The following ATXN2 variants were observed in gnomAD, a reference collection of about 807,000 sequenced individuals.
The protein encoded by ATXN2 is ataxin-2.
In ATXN2, 37 loss-of-function variants were observed where a neutral mutation model predicts 138.6. That is an observed-to-expected ratio of 0.27 (90% CI 0.21 to 0.35). The LOEUF (loss-of-function observed/expected upper bound fraction) is 0.35. Among genes scored for constraint, ATXN2 ranks in the 10% least tolerant of loss-of-function variants. The pLI is 1.00. For synonymous variants in ATXN2, 549 were observed against 543.7 expected, an observed-to-expected ratio of 1.01 and a Z score of -0.13; for missense variants, 1,216 against 1,480.3, an observed-to-expected ratio of 0.82 and a Z score of 2.93.
chr12:111,498,516 T>C (rs1366299556), intron 14 of ATXN2, among the ~76,000 whole-genome samples: 1 of 152,064 alleles, frequency 6.6e-6, no homozygotes, highest in African/African-American at 2.4e-5. Flanking sequence ...CTTAACCAAA[T>C]GAGTAAAAGA....
At position 111,509,181 on chromosome 12, in the gene ATXN2, T is replaced by G. The variant is rs565788008; in HGVS notation, c.1935+368A>C. On this transcript the variant is annotated intron_variant, in intron 14 of 24. Transcript: ENST00000673436. ...TACAAAGTATAAATCTCCAACTACC[T>G]CAGAACACCAGAGTCCAGTACATCT... Among the ~76,000 whole-genome samples the G allele has an allele frequency of 2.6e-5, 4 of 152,302 alleles. No individual in the cohort carries two copies. In the South Asian group the frequency reaches 8.3e-4, roughly 32 times the overall value.
At chr12:111,531,755 AG>A (rs1235024228) in intron 5 of ATXN2, among the ~76,000 whole-genome samples, 1 of 152,200 alleles carries the variant, frequency 6.6e-6, no homozygotes, top group Non-Finnish European at 1.5e-5. Context: ...AGAATGGGGT[AG>A]GGGTATGATG....
intron 21 of ATXN2, among the ~76,000 whole-genome samples, chr12:111,463,400 C>A (rs1557685): frequency 0.38 from 57,675 of 151,848 alleles, 15,026 homozygotes; most frequent in East Asian, 0.9. Context: ...GTTCATGGAA[C>A]TCTTGTGCCT....
intron 1 of ATXN2, among the ~76,000 whole-genome samples, chr12:111,590,466 C>T (rs1200921580): frequency 1.3e-5 from 2 of 151,962 alleles, no homozygotes; most frequent in Admixed American, 6.6e-5. Flanking sequence ...TTGGGCGGAT[C>T]ACAAGGTCAG....
intron 5 of ATXN2, among the ~76,000 whole-genome samples, chr12:111,550,138 A>G (rs1291369703): frequency 6.6e-6 from 1 of 152,150 alleles, no homozygotes; most frequent in African/African-American, 2.4e-5. Context: ...TGTCCTCATC[A>G]AGAAAACTAA....
intron 5 of ATXN2, among the ~76,000 whole-genome samples, chr12:111,536,776 A>AG (rs1350987291): frequency 1.5e-5 from 2 of 131,236 alleles, no homozygotes; most frequent in East Asian, 5.5e-4. Context: ...GTCCACACGC[A>AG]GTTTTTTTTT....
Position 111,599,055 on chromosome 12 carries a change from G to T in ATXN2, c.-21C>A. ...GACATGGTGAGGGGCCCATACACCG[G>T]CTCGCACGCCGGGCGGGGACAGCCG... is the stretch of plus-strand genomic sequence containing the variant. On this transcript the variant is annotated 5_prime_UTR_variant, in exon 1 of 25. Coordinates refer to ENST00000673436, the MANE Select transcript of ATXN2 (RefSeq NM_001372574.1). 1 of 1,449,620 alleles carries T rather than the reference G, an allele frequency of 6.9e-7. No homozygotes were observed. Among genetic ancestry groups the T allele is most frequent in the South Asian group, 1.3e-5 (1 of 75,108 alleles). 89.8% of individuals were successfully genotyped at this position (1,449,620 alleles called of 1,614,324 possible). A position where few individuals can be genotyped will look rare whatever the true frequency, so the allele number is the denominator to read the frequency against.
In ATXN2 at chr12:111,598,054, C is replaced by T; in HGVS notation, c.251+730G>A. 1 of 1,162,478 alleles carries T rather than the reference C, an allele frequency of 8.6e-7. No individual in the cohort carries two copies. Among genetic ancestry groups the T allele is most frequent in the Admixed American group, 3.7e-5 (1 of 26,852 alleles). The allele number at this position is 1,162,478 out of a possible 1,614,324, so 72.0% of individuals were successfully genotyped here. ...GGCACTCCCCACCCCTTCCCTTCCC[C>T]AGGTGGGGGAGGGTGGAACGCTGCC... is the stretch of plus-strand genomic sequence containing the variant. On this transcript the variant is annotated intron_variant, in intron 1 of 24. Transcript: ENST00000673436. The surrounding 1 kb of genome is among the most constrained non-coding windows in gnomAD (Gnocchi z 4.5).
chr12:111,539,446 A>T (rs1881369544), intron 5 of ATXN2, among the ~76,000 whole-genome samples: 1 of 150,316 alleles, frequency 6.7e-6, no homozygotes, highest in African/African-American at 2.4e-5. Flanking sequence ...CTCAGAAGTT[A>T]AAGAGAAAGA....
At chr12:111,485,571 AC>A (rs1281888975) in intron 17 of ATXN2, 141 bp downstream of exon 17, 1 of 1,077,204 alleles carries the variant, frequency 9.3e-7, no homozygotes, top group Non-Finnish European at 1.3e-6. Flanking sequence ...ACTTAACAAC[AC>A]ACTGAATCTC....
intron 20 of ATXN2, chr12:111,469,275 C>T (rs916539813): frequency 6.6e-6 from 1 of 152,104 alleles, no homozygotes; most frequent in Non-Finnish European, 1.5e-5. Context: ...ATATTCAGAA[C>T]AAAACATCTT....
At chr12:111,550,716 G>T (rs924585542) in intron 5 of ATXN2, among the ~76,000 whole-genome samples, 1 of 152,148 alleles carries the variant, frequency 6.6e-6, no homozygotes, top group Admixed American at 6.6e-5. Context: ...GGACATTTGA[G>T]AAGATTCAAA....
At chr12:111,594,444 T>A (rs1243997877) in intron 1 of ATXN2, among the ~76,000 whole-genome samples, 1 of 152,230 alleles carries the variant, frequency 6.6e-6, no homozygotes, top group East Asian at 1.9e-4. Flanking sequence ...GCTCAAGTGA[T>A]GCTCCTGCCT....
intron 5 of ATXN2, among the ~76,000 whole-genome samples, chr12:111,548,771 G>A (rs1298407098): frequency 6.6e-6 from 1 of 152,190 alleles, no homozygotes; most frequent in Non-Finnish European, 1.5e-5. Flanking sequence ...CTGTTGCCCA[G>A]GCTGGAGTGC....
intron 1 of ATXN2, among the ~76,000 whole-genome samples, chr12:111,571,549 C>G (rs564633379): frequency 6.6e-6 from 1 of 152,036 alleles, no homozygotes; most frequent in East Asian, 1.9e-4. Flanking sequence ...ACACTGGGCA[C>G]TGGACCTCCA....
chr12:111,536,917 A>G (rs190445154), intron 5 of ATXN2, among the ~76,000 whole-genome samples: 1 of 150,482 alleles, frequency 6.6e-6, no homozygotes, highest in East Asian at 2.0e-4. Flanking sequence ...CTAGTAGCTG[A>G]GATTACAGGT....
At chr12:111,465,289 C>T (rs557206524) in intron 20 of ATXN2, among the ~76,000 whole-genome samples, 23 of 141,126 alleles carry the variant, frequency 1.6e-4, no homozygotes, top group African/African-American at 6.9e-4. Flanking sequence ...ATTATGGATG[C>T]TTTTCATTTT....
chr12:111,466,943 A>T (rs1876067245), intron 20 of ATXN2, among the ~76,000 whole-genome samples: 1 of 152,104 alleles, frequency 6.6e-6, no homozygotes, highest in South Asian at 2.1e-4. Context: ...TGTTCAGGGA[A>T]GATGAGTATA....
At position 111,456,186 on chromosome 12, in the gene ATXN2, G is replaced by A. The variant is rs773079127; in HGVS notation, c.3113C>T (p.Ala1038Val). The change falls in exon 23 of 25, where the codon GCG (alanine) becomes GTG (valine). Residue 1038 changes from alanine to valine, a missense_variant. Physicochemically the swap from Ala to Val is moderately conservative, Grantham distance 64. Coordinates refer to ENST00000673436, the MANE Select transcript of ATXN2 (RefSeq NM_001372574.1). ...GGAGGGTGGAGTTGGCGCAAGCCCC[G>A]CGTGGTAAATGGCTGACTGCTGCTG... ...SPQQQSAIYHAGLAPTPPSMT... is the reference protein window; with the variant it reads ...SPQQQSAIYHVGLAPTPPSMT... 3.5e-5 allele frequency: 57 copies of A among 1,614,136 alleles called. No homozygotes were observed. Among genetic ancestry groups the A allele is most frequent in the Non-Finnish European group, 4.5e-5 (53 of 1,180,044 alleles).
Sources: allele counts gnomAD v4.1 joint callset (sites outside exome capture counted in the v4.1 genomes callset), GRCh38; gene constraint gnomAD v4.1.1; non-coding constraint Gnocchi (gnomAD v3.1); transcripts MANE v1.5; gene names NCBI Gene and HGNC (gene_info 2026-07-23, HGNC 2026-07-21).